RPF2: variants seen among roughly 807,000 people sequenced by gnomAD.
RPF2 encodes ribosome production factor 2 homolog.
Under a neutral mutation model 38.9 loss-of-function variants are expected in RPF2, and 21 were observed. The ratio of observed to expected loss-of-function variants is 0.54; its 90% confidence interval spans 0.38 to 0.78. The LOEUF (loss-of-function observed/expected upper bound fraction) is 0.78, where lower values mean the gene tolerates loss of function less well. Among genes scored for constraint, RPF2 ranks in the 30% least tolerant of loss-of-function variants. The pLI is 0.00. For missense variants in RPF2, 314 were observed against 358.1 expected, an observed-to-expected ratio of 0.88 and a Z score of 0.99; for synonymous variants, 121 against 126.2, an observed-to-expected ratio of 0.96 and a Z score of 0.28.
intron 6 of RPF2, among the ~76,000 whole-genome samples, chr6:111,007,514 C>T (rs903457247): frequency 6.6e-5 from 10 of 151,658 alleles, no homozygotes; most frequent in East Asian, 1.9e-4. Flanking sequence ...GCCTAGGCAA[C>T]ACAGCGAGAC....
At chr6:110,997,338 T>C in intron 5 of RPF2, 74 bp downstream of exon 5, 1 of 848,898 alleles carries the variant, frequency 1.2e-6, no homozygotes, top group East Asian at 2.6e-5. Flanking sequence ...CATACGGGTC[T>C]GCAGCAACTT....
In RPF2 at chr6:111,024,225, A is replaced by T. The variant is rs757120841; in HGVS notation, c.639A>T (p.Glu213Asp). ...CTGGTTGCAGAACACCACGGATTGA[A>T]TTGGAAGAGATGGGACCCTCATTGG... ...KKSGCRTPRI[E>D]LEEMGPSLDL... The change falls in exon 9 of 10, where the codon GAA becomes GAT. Residue 213 changes from glutamate to aspartate, a missense_variant. Transcript: ENST00000441448. The T allele has an allele frequency of 6.2e-7, 1 of 1,611,152 alleles. No individual in the cohort carries two copies. The highest frequency in any genetic ancestry group is 8.5e-7 in the Non-Finnish European group (1 of 1,179,650).
intron 7 of RPF2, among the ~76,000 whole-genome samples, chr6:111,012,319 C>T (rs1181286800): frequency 6.6e-6 from 1 of 151,874 alleles, no homozygotes; most frequent in African/African-American, 2.4e-5. Flanking sequence ...CACAGGTACA[C>T]GTCACCACGC....
chr6:111,019,401 C>T (rs1472103651), intron 8 of RPF2, among the ~76,000 whole-genome samples: 2 of 152,122 alleles, frequency 1.3e-5, no homozygotes, highest in African/African-American at 2.4e-5. Flanking sequence ...GATTGTGCCA[C>T]TGCACTCCAG....
At chr6:111,024,066 C>A in intron 8 of RPF2, 117 bp from the exon 9 acceptor site, 1 of 867,912 alleles carries the variant, frequency 1.2e-6, no homozygotes, top group Non-Finnish European at 1.7e-6. Context: ...TTAAGTAAGT[C>A]TTTCTAAACA....
At chr6:111,012,455 T>C (rs1330389671) in intron 7 of RPF2, among the ~76,000 whole-genome samples, 1 of 152,136 alleles carries the variant, frequency 6.6e-6, no homozygotes, top group African/African-American at 2.4e-5. Flanking sequence ...TGAGCCAACA[T>C]GCGTGGCCTA....
chr6:110,994,732 T>TACACACACACACACACACACAC (rs754731328), intron 4 of RPF2, among the ~76,000 whole-genome samples: 1 of 101,890 alleles, frequency 9.8e-6, no homozygotes, highest in African/African-American at 4.3e-5. Context: ...GATGAGTATA[T>TACACACACACACACACACACAC]ATACACACAC....
chr6:111,006,461 C>G (rs1338512950), intron 6 of RPF2, among the ~76,000 whole-genome samples: 1 of 149,720 alleles, frequency 6.7e-6, no homozygotes, highest in Non-Finnish European at 1.5e-5. Flanking sequence ...GTCTTGAACT[C>G]CTGACCTCAA....
chr6:110,996,926 A>G (rs1392652658), intron 4 of RPF2, among the ~76,000 whole-genome samples: 1 of 151,968 alleles, frequency 6.6e-6, no homozygotes, highest in Non-Finnish European at 1.5e-5. Flanking sequence ...CTCAGCCACT[A>G]AGGTAGCTGG....
rs1014756946 is a variant in RPF2, at chr6:110,985,003, C to T, written c.24-3C>T. 1.9e-6 allele frequency: 3 copies of T among 1,608,996 alleles called. No homozygotes were observed. Among genetic ancestry groups the T allele is most frequent in the South Asian group, 2.2e-5 (2 of 90,388 alleles). On this transcript the variant is annotated splice_region_variant and splice_polypyrimidine_tract_variant and intron_variant, in intron 1 of 9. Coordinates refer to ENST00000441448, the MANE Select transcript of RPF2 (RefSeq NM_032194.3). ...TAGTTATGAATTGTGCTTTTCTGAA[C>T]AGAAAGCCCAAAACGAAAAGAGCCA...
chr6:110,982,144 T>C lies in RPF2; in HGVS notation c.23+15T>C. 1 of 1,614,110 alleles carries C rather than the reference T, an allele frequency of 6.2e-7. No homozygotes were observed. Among genetic ancestry groups the C allele is most frequent in the Admixed American group, 1.7e-5 (1 of 60,022 alleles). On this transcript the variant is annotated intron_variant, in intron 1 of 9. Coordinates refer to ENST00000441448, the MANE Select transcript of RPF2 (RefSeq NM_032194.3). ...GATCGAGTAGTGTAAGTGCGCTGGG[T>C]CTCAGCCCCGGGGAGCGTTGGGGTG...
intron 8 of RPF2, among the ~76,000 whole-genome samples, chr6:111,022,382 TGA>T (rs1460474578): frequency 3.3e-5 from 5 of 152,222 alleles, no homozygotes; most frequent in South Asian, 2.1e-4. Context: ...TGAGCCCATC[TGA>T]GAGAGAAAGA....
intron 3 of RPF2, among the ~76,000 whole-genome samples, chr6:110,990,647 C>T (rs548131238): frequency 9.4e-4 from 130 of 138,062 alleles, no homozygotes; most frequent in African/African-American, 3.1e-3. Flanking sequence ...TGCAGTGGTG[C>T]GACCTCAGCT....
chr6:111,000,942 T>A (rs538909289), intron 6 of RPF2, among the ~76,000 whole-genome samples: 1 of 152,282 alleles, frequency 6.6e-6, no homozygotes, highest in South Asian at 2.1e-4. Flanking sequence ...TAGTTGGAAG[T>A]ATTGTAGCAA....
chr6:111,008,992 C>T (rs563130240), intron 7 of RPF2, among the ~76,000 whole-genome samples: 7 of 149,874 alleles, frequency 4.7e-5, no homozygotes, highest in Admixed American at 2.0e-4. Context: ...CTCCACCTCC[C>T]GGGTTCAAGC....
intron 2 of RPF2, among the ~76,000 whole-genome samples, chr6:110,988,369 C>T (rs190478741): frequency 4.6e-5 from 7 of 151,968 alleles, no homozygotes; most frequent in East Asian, 1.9e-4. Context: ...CTGATCTCCA[C>T]GCAACATTAT....
intron 1 of RPF2, among the ~76,000 whole-genome samples, chr6:110,983,894 T>C (rs1019629727): frequency 6.6e-6 from 1 of 151,888 alleles, no homozygotes; most frequent in Non-Finnish European, 1.5e-5. Flanking sequence ...CCGGGCGTCG[T>C]GGCGGGCGCC....
intron 8 of RPF2, among the ~76,000 whole-genome samples, chr6:111,017,134 C>T (rs1450589154): frequency 1.3e-5 from 2 of 152,232 alleles, no homozygotes. Flanking sequence ...CCCCACATTT[C>T]CCCCCTTTCC....
In RPF2 at chr6:111,026,339, C is replaced by G. The variant is rs1772327857; in HGVS notation, c.*757C>G. On this transcript the variant is annotated 3_prime_UTR_variant, in exon 10 of 10. Transcript: ENST00000441448. ...CCTCCTGCCTGAGCCTCTTACGTAGCTGGGATTACAGGCATGAGCCACTGA... is the reference window on the plus strand; with the variant it reads ...CCTCCTGCCTGAGCCTCTTACGTAGGTGGGATTACAGGCATGAGCCACTGA... 1 of 152,158 alleles carries G rather than the reference C, an allele frequency of 6.6e-6. No individual in the cohort carries two copies. The highest frequency in any genetic ancestry group is 1.5e-5 in the Non-Finnish European group (1 of 68,174). 9.4% of individuals were successfully genotyped at this position (152,158 alleles called of 1,614,324 possible). A position where few individuals can be genotyped will look rare whatever the true frequency, so the allele number is the denominator to read the frequency against.
Sources: allele counts gnomAD v4.1 joint callset (sites outside exome capture counted in the v4.1 genomes callset), GRCh38; gene constraint gnomAD v4.1.1; transcripts MANE v1.5; gene names NCBI Gene and HGNC (gene_info 2026-07-23, HGNC 2026-07-21).